The following GKN2 variants were observed in gnomAD, a reference collection of about 807,000 sequenced individuals.
GKN2 encodes the protein gastrokine-2.
Under a neutral mutation model 22.7 loss-of-function variants are expected in GKN2, and 17 were observed. The ratio of observed to expected loss-of-function variants is 0.75; its 90% CI spans 0.51 to 1.13. GKN2 has a LOEUF of 1.13. GKN2 is among the 50% of genes most tolerant of loss of function. The probability of loss-of-function intolerance (pLI) is 0.00; values close to 1 mark genes in which losing one functional copy is unlikely to be tolerated. For synonymous variants in GKN2, 82 were observed against 79.6 expected, an observed-to-expected ratio of 1.03 and a Z score of -0.16; for missense variants, 248 against 221.4, an observed-to-expected ratio of 1.12 and a Z score of -0.76.
intron 3 of GKN2, among the ~76,000 whole-genome samples, chr2:68,948,268 A>AC (rs1669801830): frequency 3.4e-5 from 5 of 146,902 alleles, no homozygotes; most frequent in Non-Finnish European, 7.5e-5. Context: ...AAAAAAAAAA[A>AC]CTGTGCTGTC....
At chr2:68,948,569 C>T (rs1669807199) in intron 3 of GKN2, among the ~76,000 whole-genome samples, 1 of 152,176 alleles carries the variant, frequency 6.6e-6, no homozygotes, top group African/African-American at 2.4e-5. Flanking sequence ...CCAGTTTTCC[C>T]CATCCCTTCT....
At chr2:68,945,528 C>G in intron 5 of GKN2, 78 bp from the exon 6 acceptor site, 1 of 1,123,554 alleles carries the variant, frequency 8.9e-7, no homozygotes, top group Non-Finnish European at 1.3e-6. Context: ...AATACATTAG[C>G]TTAAATAAAA....
intron 1 of GKN2, among the ~76,000 whole-genome samples, chr2:68,952,501 T>A (rs1424447517): frequency 2.0e-5 from 3 of 152,200 alleles, no homozygotes; most frequent in Non-Finnish European, 2.9e-5. Context: ...ATTTTTAAAC[T>A]ACAGCTTCTC....
At chr2:68,945,511 G>A in intron 5 of GKN2, 61 bp from the exon 6 acceptor site, 1 of 1,207,908 alleles carries the variant, frequency 8.3e-7, no homozygotes, top group East Asian at 2.5e-5. Flanking sequence ...GGAATTATTA[G>A]AATAATAATA....
In GKN2 at chr2:68,947,246, T is replaced by C; in HGVS notation, c.216A>G (p.Ala72=). ...TIFDYKHGYI[A]SRVLSRRACF... ...AGGCTCTTCGGGAGAGCACCCTGGATGCAATGTAGCCCTGAGGCAGCAAGA... is the reference window on the plus strand; with the variant it reads ...AGGCTCTTCGGGAGAGCACCCTGGACGCAATGTAGCCCTGAGGCAGCAAGA... The change falls in exon 4 of 6, where the codon GCA becomes GCG. Residue 72 remains alanine, a synonymous_variant. Coordinates refer to ENST00000328895, the MANE Select transcript of GKN2 (RefSeq NM_182536.3). 1 of 1,611,480 alleles carries C rather than the reference T, an allele frequency of 6.2e-7. No individual in the cohort carries two copies. The highest frequency in any genetic ancestry group is 1.1e-5 in the South Asian group (1 of 91,032).
chr2:68,950,862 C>T (rs1669844820), intron 1 of GKN2, 107 bp from the exon 2 acceptor site: 1 of 1,098,072 alleles, frequency 9.1e-7, no homozygotes, highest in African/African-American at 1.6e-5. Context: ...AAATGTACAC[C>T]TAGAGACACT....
intron 5 of GKN2, 188 bp from the exon 6 acceptor site, chr2:68,945,638 G>A: frequency 2.2e-6 from 1 of 464,146 alleles, no homozygotes; most frequent in South Asian, 4.4e-5. Context: ...TTATGAATGA[G>A]TACTTAAAAT....
At chr2:68,947,290 C>G in intron 3 of GKN2, 33 bp from the exon 4 acceptor site, 1 of 1,363,904 alleles carries the variant, frequency 7.3e-7, no homozygotes, top group Non-Finnish European at 1.1e-6. Flanking sequence ...ACTGTTCCTC[C>G]CTAGTTCCCT....
At chr2:68,950,796 T>C (rs752983443) in intron 1 of GKN2, 41 bp from the exon 2 acceptor site, 30 of 1,600,698 alleles carry the variant, frequency 1.9e-5, no homozygotes, top group Non-Finnish European at 2.6e-5. Context: ...TATAGGGTAG[T>C]CATTGAGTGT....
intron 4 of GKN2, 44 bp downstream of exon 4, chr2:68,947,103 C>T (rs1311744521): frequency 8.4e-7 from 1 of 1,188,318 alleles, no homozygotes. Flanking sequence ...ACCAGTATTG[C>T]CTGGCTTAAG....
chr2:68,945,822 C>T (rs955112625), intron 5 of GKN2: 1 of 226,246 alleles, frequency 4.4e-6, no homozygotes, highest in African/African-American at 2.3e-5. Context: ...TCTGCAGTGG[C>T]ATATGTTACC....
chr2:68,950,589 G>T, intron 2 of GKN2, 113 bp downstream of exon 2: 2 of 906,218 alleles, frequency 2.2e-6, no homozygotes, highest in Admixed American at 2.1e-5. Context: ...TTATTTCTGA[G>T]ATTCCATCCC....
chr2:68,947,282 T>A lies in GKN2; in HGVS notation c.205-25A>T, dbSNP rs765994709. On this transcript the variant is annotated intron_variant, in intron 3 of 5. Transcript: ENST00000328895. ...CCTGAGGCAGCAAGAGTACAGTTAC[T>A]GTTCCTCCCTAGTTCCCTGAATCTG... The A allele has an allele frequency of 2.1e-6, 3 of 1,439,550 alleles. No homozygotes were observed. In the African/African-American group the frequency reaches 4.2e-5, roughly 20 times the overall value. The allele number at this position is 1,439,550 out of a possible 1,614,324, so 89.2% of individuals were successfully genotyped here.
At chr2:68,945,939 T>C (rs1669759131) in intron 5 of GKN2, 1 of 301,592 alleles carries the variant, frequency 3.3e-6, no homozygotes, top group Non-Finnish European at 6.1e-6. Flanking sequence ...GACTTCCTTC[T>C]TATTATCTTC....
rs1224271815 is a variant in GKN2 at position 68,948,263 on chromosome 2, A to C, written c.205-1006T>G. ...TCCGTCAAAAAAAAAAAACAAAAAA[A>C]AAAAACTGTGCTGTCCAATATGATA... On this transcript the variant is annotated intron_variant, in intron 3 of 5. Transcript: ENST00000328895. 8.6e-5 allele frequency among the ~76,000 whole-genome samples: 13 copies of C among 151,574 alleles called. No homozygotes were observed. In the East Asian group the frequency reaches 2.5e-3, roughly 29 times the overall value.
Position 68,946,322 on chromosome 2 carries a change from C to A in GKN2, c.454G>T (p.Glu152Ter). 1 of 1,608,674 alleles carries A rather than the reference C, an allele frequency of 6.2e-7. No individual in the cohort carries two copies. Among genetic ancestry groups the A allele is most frequent in the Non-Finnish European group, 8.5e-7 (1 of 1,178,548 alleles). ...TACTCACGTGTGTTTTCAACCACTT[C>A]CCCCTTATACAAAGGGATATGTTTG... Reference protein sequence around the residue: ...LCKHIPLYKGEVVENTHNVGA... With the variant: ...LCKHIPLYKG The change falls in exon 5 of 6, where the codon GAA (glutamate) becomes TAA (stop). Residue 152 changes from glutamate (E) to a stop codon, truncating the protein, a stop_gained. Transcript: ENST00000328895. LOFTEE classifies it low-confidence loss of function (END_TRUNC).
At chr2:68,946,219 C>T in intron 5 of GKN2, 85 bp downstream of exon 5, 1 of 1,172,574 alleles carries the variant, frequency 8.5e-7, no homozygotes, top group Non-Finnish European at 1.2e-6. Context: ...CATTTATTTG[C>T]ATTTCACTTG....
At chr2:68,950,051 C>T in intron 3 of GKN2, 75 bp downstream of exon 3, 4 of 1,159,124 alleles carry the variant, frequency 3.5e-6, no homozygotes, top group Non-Finnish European at 4.8e-6. Context: ...AGTATATATG[C>T]CCCATATATA....
chr2:68,949,372 T>C (rs2103892159), intron 3 of GKN2, among the ~76,000 whole-genome samples: 1 of 152,208 alleles, frequency 6.6e-6, no homozygotes. Context: ...TGCTATGTTG[T>C]GATTGCTTTG....
Sources: gnomAD v4.1 joint callset for allele counts (sites outside exome capture counted in the v4.1 genomes callset) on GRCh38, gnomAD v4.1.1 for gene constraint, MANE v1.5 for transcripts, NCBI Gene and HGNC (gene_info 2026-07-23, HGNC 2026-07-21) for gene names.